IFT81: variants seen among roughly 807,000 people sequenced by gnomAD.
IFT81 encodes intraflagellar transport 81.
IFT81 carries 72 observed loss-of-function variants against 102.6 expected under a neutral mutation model. The observed-to-expected ratio is 0.70, with a 90% CI of 0.58 to 0.85. The LOEUF (loss-of-function observed/expected upper bound fraction) is 0.85. Among genes scored for constraint, IFT81 ranks in the 40% least tolerant of loss-of-function variants. IFT81 has a pLI of 0.00. For synonymous variants in IFT81, 237 were observed against 242.7 expected, an observed-to-expected ratio of 0.98 and a Z score of 0.22; for missense variants, 723 against 787.3, an observed-to-expected ratio of 0.92 and a Z score of 0.98.
rs371893435 is a variant in IFT81 at position 110,185,916 on chromosome 12, C to T, written c.1339-5004C>T. 8.5e-5 allele frequency among the ~76,000 whole-genome samples: 13 copies of T among 152,152 alleles called. No homozygotes were observed. In the East Asian group the frequency reaches 1.2e-3, roughly 14 times the overall value. ...TGCTGGGGCCTAGATAGATTTAAAT[C>T]GTACATGATATTATGTTCAATATTA... On this transcript the variant is annotated intron_variant, in intron 12 of 18. Transcript: ENST00000242591.
chr12:110,215,310 G>A (rs762423568), intron 18 of IFT81, among the ~76,000 whole-genome samples: 50 of 151,350 alleles, frequency 3.3e-4, no homozygotes, highest in Admixed American at 5.3e-4. Flanking sequence ...ACTCGGTGTC[G>A]GTACAGATAT....
chr12:110,164,858 C>T (rs962235772), intron 11 of IFT81, among the ~76,000 whole-genome samples: 4 of 152,158 alleles, frequency 2.6e-5, no homozygotes, highest in South Asian at 4.1e-4. Context: ...GCAGCAGTTT[C>T]GCTTTACAAG....
intron 8 of IFT81, among the ~76,000 whole-genome samples, chr12:110,142,267 A>G (rs1271099620): frequency 3.9e-5 from 6 of 152,092 alleles, no homozygotes. Flanking sequence ...TCCCAGGTTC[A>G]AGCGATCCTT....
intron 10 of IFT81, among the ~76,000 whole-genome samples, chr12:110,155,931 CAT>C (rs2137412556): frequency 6.6e-6 from 1 of 152,262 alleles, no homozygotes; most frequent in East Asian, 1.9e-4. Flanking sequence ...ACTTCAATAA[CAT>C]ATAAAAACTC....
At chr12:110,156,574 G>T (rs1216984244) in intron 10 of IFT81, among the ~76,000 whole-genome samples, 1 of 151,660 alleles carries the variant, frequency 6.6e-6, no homozygotes, top group Non-Finnish European at 1.5e-5. Flanking sequence ...TCCACTCACT[G>T]CAATCTCCAC....
At chr12:110,211,494 G>C (rs189783679) in intron 18 of IFT81, among the ~76,000 whole-genome samples, 53 of 152,158 alleles carry the variant, frequency 3.5e-4, no homozygotes, top group African/African-American at 1.2e-3. Flanking sequence ...TCTGGCCTTA[G>C]TTAACTTTTA....
At chr12:110,131,550 G>A (rs1894164504) in intron 4 of IFT81, among the ~76,000 whole-genome samples, 1 of 151,942 alleles carries the variant, frequency 6.6e-6, no homozygotes, top group Admixed American at 6.6e-5. Context: ...GTTTCACCAT[G>A]TTGGCCAGGC....
At chr12:110,146,875 G>T in intron 9 of IFT81, 78 bp from the exon 10 acceptor site, 1 of 1,408,914 alleles carries the variant, frequency 7.1e-7, no homozygotes, top group Non-Finnish European at 9.3e-7. Flanking sequence ...TTCAAAGCTG[G>T]TTTGGCCAGA....
intron 14 of IFT81, among the ~76,000 whole-genome samples, chr12:110,193,167 C>T (rs1377346828): frequency 1.3e-5 from 2 of 151,900 alleles, no homozygotes; most frequent in Non-Finnish European, 2.9e-5. Flanking sequence ...TGTCTCCCAC[C>T]CCTCCCCCCA....
intron 11 of IFT81, among the ~76,000 whole-genome samples, chr12:110,173,696 G>T (rs1896895518): frequency 6.6e-6 from 1 of 152,160 alleles, no homozygotes; most frequent in African/African-American, 2.4e-5. Flanking sequence ...AACATGTGCT[G>T]TGTCCACTCA....
intron 18 of IFT81, among the ~76,000 whole-genome samples, chr12:110,211,175 CT>C (rs796140785): frequency 0.032 from 3,230 of 102,088 alleles, 77 homozygotes; most frequent in African/African-American, 0.1. Context: ...ATTAGGCTTT[CT>C]TTTTTTTTTT....
chr12:110,174,903 C>T (rs1896974370), intron 11 of IFT81, among the ~76,000 whole-genome samples: 1 of 152,206 alleles, frequency 6.6e-6, no homozygotes, highest in Non-Finnish European at 1.5e-5. Context: ...CATTACAAAA[C>T]CCAAATGCAC....
rs1290965605 is a variant in IFT81 at position 110,172,393 on chromosome 12, G to A, written c.1189-8029G>A. Among the ~76,000 whole-genome samples the A allele has an allele frequency of 5.0e-5, 7 of 139,172 alleles. No individual in the cohort carries two copies. In the South Asian group the frequency reaches 9.3e-4, roughly 18 times the overall value. 91.3% of individuals were successfully genotyped at this position (139,172 alleles called of 152,430 possible). On this transcript the variant is annotated intron_variant, in intron 11 of 18. Transcript: ENST00000242591. Reference sequence around the variant, plus strand: ...CTCCCCACGGTCTCCCTCTCCCCACGGTCTCCCTCTCCCTCTCTTTCCACG... The same window carrying A: ...CTCCCCACGGTCTCCCTCTCCCCACAGTCTCCCTCTCCCTCTCTTTCCACG...
At chr12:110,125,329 C>A (rs1207476020) in intron 1 of IFT81, among the ~76,000 whole-genome samples, 3 of 152,108 alleles carry the variant, frequency 2.0e-5, no homozygotes, top group Non-Finnish European at 4.4e-5. Flanking sequence ...CCTCTTTTGA[C>A]TTATTTCTTA....
intron 18 of IFT81, among the ~76,000 whole-genome samples, chr12:110,214,863 T>C (rs1420264366): frequency 6.6e-6 from 1 of 152,202 alleles, no homozygotes; most frequent in African/African-American, 2.4e-5. Context: ...TGTGCAGAAG[T>C]CTTAAAATTC....
At chr12:110,181,921 T>C (rs1482820716) in intron 12 of IFT81, among the ~76,000 whole-genome samples, 2 of 152,060 alleles carry the variant, frequency 1.3e-5, no homozygotes, top group Non-Finnish European at 2.9e-5. Context: ...AAGGACATGG[T>C]CTCAACTGGA....
At chr12:110,196,226 A>G (rs1048308672) in intron 14 of IFT81, among the ~76,000 whole-genome samples, 3 of 152,214 alleles carry the variant, frequency 2.0e-5, no homozygotes, top group Non-Finnish European at 4.4e-5. Flanking sequence ...TTACAGCAAA[A>G]AACCAAGACA....
At chr12:110,206,966 G>A (rs549922139) in intron 17 of IFT81, among the ~76,000 whole-genome samples, 5 of 151,298 alleles carry the variant, frequency 3.3e-5, no homozygotes, top group Non-Finnish European at 7.4e-5. Flanking sequence ...CAAAGTTATC[G>A]ATATAAATAG....
At chr12:110,144,310 G>A (rs967634605) in intron 9 of IFT81, among the ~76,000 whole-genome samples, 3 of 151,838 alleles carry the variant, frequency 2.0e-5, no homozygotes, top group East Asian at 1.9e-4. Context: ...TCCGCTTCCC[G>A]AGTTCAAGCG....
Sources: gnomAD v4.1 joint callset for allele counts (sites outside exome capture counted in the v4.1 genomes callset) on GRCh38, gnomAD v4.1.1 for gene constraint, MANE v1.5 for transcripts, NCBI Gene and HGNC (gene_info 2026-07-23, HGNC 2026-07-21) for gene names.